KIF21A: variants seen among roughly 807,000 people sequenced by gnomAD.
KIF21A encodes the protein kinesin family member 21A.
A neutral mutation model predicts 202.9 loss-of-function variants in KIF21A; 114 were observed. That is an observed-to-expected ratio of 0.56 (90% CI 0.48 to 0.66). The LOEUF (loss-of-function observed/expected upper bound fraction) is 0.66, where lower values mean the gene tolerates loss of function less well. Among genes scored for constraint, KIF21A ranks in the 30% least tolerant of loss-of-function variants. The pLI is 0.00. For synonymous variants in KIF21A, 667 were observed against 670.8 expected, an observed-to-expected ratio of 0.99 and a Z score of 0.09; for missense variants, 1,677 against 1,994.9, an observed-to-expected ratio of 0.84 and a Z score of 3.04.
rs767206825 is a variant in KIF21A, at chr12:39,367,052, C to G, written c.713G>C (p.Arg238Thr). ...CACAGCATCTATTTGGGGACACACT[C>G]TGGTTTGACACACATGAATGGTAAA... ...AIFTIHVCQT[R>T]VCPQIDADNA... Residue 238 changes from arginine to threonine, a missense_variant, in exon 5 of 38, where the codon AGA (arginine) becomes ACA (threonine). Around this residue, in one of 3 missense-constraint regions of KIF21A, gnomAD observed 966 missense variants for 1,180.9 expected, o/e 0.82. Transcript: ENST00000361418. The G allele has an allele frequency of 1.2e-6, 2 of 1,613,758 alleles. No homozygotes were observed. Among genetic ancestry groups the G allele is most frequent in the Non-Finnish European group, 1.7e-6 (2 of 1,179,684 alleles).
chr12:39,374,451 C>G (rs972442952), intron 1 of KIF21A, among the ~76,000 whole-genome samples: 3 of 152,038 alleles, frequency 2.0e-5, no homozygotes, highest in Admixed American at 6.6e-5. Flanking sequence ...TAAGAAATAA[C>G]AAAGCCAAGT....
chr12:39,343,904 T>G (rs963755277), intron 12 of KIF21A, among the ~76,000 whole-genome samples: 1 of 152,220 alleles, frequency 6.6e-6, no homozygotes. Context: ...TGTTTGAACA[T>G]GCCTATGTGT....
At chr12:39,331,890 G>C in intron 21 of KIF21A, 99 bp from the exon 22 acceptor site, 1 of 917,596 alleles carries the variant, frequency 1.1e-6, no homozygotes, top group Non-Finnish European at 1.8e-6. Context: ...TATTGGGTTA[G>C]CTAATGAGAT....
In KIF21A at chr12:39,294,513, G is replaced by C. The variant is rs777458254; in HGVS notation, c.4936C>G (p.Arg1646Gly). ...STHIFTAADD[R>G]TVRIWKARNL... is the part of the protein sequence containing the mutation. ...CGAGCCTTCCAAATTCTCACAGTTCGATCACTACAAAAAAATAAACAAAAC... is the reference window on the plus strand; with the variant it reads ...CGAGCCTTCCAAATTCTCACAGTTCCATCACTACAAAAAAATAAACAAAAC... Residue 1646 changes from arginine to glycine, a missense_variant, in exon 38 of 38, where the codon CGA becomes GGA. Arg to Gly is a moderately radical substitution (Grantham distance 125, BLOSUM62 -2). Coordinates refer to ENST00000361418, the MANE Select transcript of KIF21A (RefSeq NM_001173464.2). 6.2e-7 allele frequency: 1 copy of C among 1,611,896 alleles called. No homozygotes were observed. Among genetic ancestry groups the C allele is most frequent in the Non-Finnish European group, 8.5e-7 (1 of 1,178,402 alleles).
chr12:39,422,830 A>G (rs1339949786), intron 1 of KIF21A, among the ~76,000 whole-genome samples: 5 of 152,248 alleles, frequency 3.3e-5, no homozygotes, highest in African/African-American at 1.2e-4. Context: ...TCTATCTTTC[A>G]TTTCCTTCCT....
chr12:39,322,762 G>A lies in KIF21A; in HGVS notation c.3577C>T (p.Gln1193Ter), dbSNP rs1945419112. ...PGPLTPVAEGQEIGMNTETSG... is the reference protein window; with the variant it reads ...PGPLTPVAEG ...GTCTCTGTATTCATTCCAATCTCTT[G>A]CCCTTCTGCAACAGGTGTGAGAGGG... is the stretch of plus-strand genomic sequence containing the variant. The change falls in exon 27 of 38, where the codon CAA (glutamine) becomes TAA (stop). Residue 1193 changes from glutamine to a stop codon, truncating the protein, a stop_gained. Transcript: ENST00000361418. LOFTEE classifies it high-confidence loss of function. The A allele has an allele frequency of 1.2e-6, 2 of 1,613,890 alleles. No individual in the cohort carries two copies. Among genetic ancestry groups the A allele is most frequent in the East Asian group, 2.2e-5 (1 of 44,884 alleles).
At chr12:39,367,263 G>A (rs941784960) in intron 4 of KIF21A, 99 bp from the exon 5 acceptor site, 1 of 1,237,076 alleles carries the variant, frequency 8.1e-7, no homozygotes, top group African/African-American at 1.5e-5. Flanking sequence ...CATGTTAAGG[G>A]ATATAAAAGA....
chr12:39,303,443 C>G (rs1356894211), intron 35 of KIF21A, among the ~76,000 whole-genome samples: 1 of 152,140 alleles, frequency 6.6e-6, no homozygotes, highest in East Asian at 1.9e-4. Context: ...GGATTACAGG[C>G]ATGCATGATG....
intron 10 of KIF21A, among the ~76,000 whole-genome samples, chr12:39,353,706 C>G (rs1948568194): frequency 6.6e-6 from 1 of 151,850 alleles, no homozygotes; most frequent in Non-Finnish European, 1.5e-5. Flanking sequence ...TTGTTTTTTA[C>G]ATAATGTTAA....
intron 1 of KIF21A, among the ~76,000 whole-genome samples, chr12:39,377,852 T>G (rs768822316): frequency 3.3e-5 from 5 of 152,178 alleles, no homozygotes; most frequent in Non-Finnish European, 7.4e-5. Context: ...TTTTAATCCA[T>G]TAATGATGAA....
intron 1 of KIF21A, among the ~76,000 whole-genome samples, chr12:39,435,128 C>A (rs1938501545): frequency 6.6e-6 from 1 of 152,124 alleles, no homozygotes; most frequent in Non-Finnish European, 1.5e-5. Flanking sequence ...CTGGGTGGGT[C>A]CATTCCATAA....
chr12:39,337,630 A>G (rs1947095353), intron 16 of KIF21A: 1 of 180,694 alleles, frequency 5.5e-6, no homozygotes, highest in Non-Finnish European at 1.2e-5. Flanking sequence ...CTGGCACTTG[A>G]ATTCTCAACA....
chr12:39,397,450 T>G (rs1452714298), intron 1 of KIF21A, among the ~76,000 whole-genome samples: 1 of 151,746 alleles, frequency 6.6e-6, no homozygotes, highest in East Asian at 1.9e-4. Flanking sequence ...CCCATAGAGC[T>G]GATTCACCTT....
chr12:39,369,605 C>T, intron 3 of KIF21A, 124 bp downstream of exon 3: 1 of 716,906 alleles, frequency 1.4e-6, no homozygotes, highest in Non-Finnish European at 2.3e-6. Flanking sequence ...TGTTAATTTA[C>T]TCAAACAACA....
At position 39,356,063 on chromosome 12, in the gene KIF21A, G is replaced by T. The variant is rs181665206; in HGVS notation, c.1469+769C>A. 2.7e-3 allele frequency among the ~76,000 whole-genome samples: 411 copies of T among 152,274 alleles called. 1 individual carries two copies. Among genetic ancestry groups the T allele is most frequent in the South Asian group, 0.017 (82 of 4,822 alleles). ...TGAACTACTTAGATGCTCCCCCATG[G>T]AGCTGACTGGGGTTTTCCTTCAAGA... On this transcript the variant is annotated intron_variant, in intron 10 of 37. Coordinates refer to ENST00000361418, the MANE Select transcript of KIF21A (RefSeq NM_001173464.2).
intron 31 of KIF21A, 127 bp downstream of exon 31, chr12:39,315,102 C>A: frequency 1.2e-6 from 1 of 866,568 alleles, no homozygotes; most frequent in South Asian, 1.5e-5. Flanking sequence ...TTAAATATGG[C>A]AAATTTGTAC....
At chr12:39,334,753 T>A (rs959306337) in intron 17 of KIF21A, among the ~76,000 whole-genome samples, 2 of 152,038 alleles carry the variant, frequency 1.3e-5, no homozygotes, top group Admixed American at 6.6e-5. Flanking sequence ...AGGCAACAAA[T>A]AAAAGGGAGA....
In KIF21A at chr12:39,410,066, G is replaced by A. The variant is rs530746913; in HGVS notation, c.44+32861C>T. Reference sequence around the variant, plus strand: ...GGCTGGTCTTGAACTCCTGACCTCAGGTGATCTGCCCGCCTTATCCTCCCA... The same window carrying A: ...GGCTGGTCTTGAACTCCTGACCTCAAGTGATCTGCCCGCCTTATCCTCCCA... On this transcript the variant is annotated intron_variant, in intron 1 of 37. Coordinates refer to ENST00000361418, the MANE Select transcript of KIF21A (RefSeq NM_001173464.2). Among the ~76,000 whole-genome samples the A allele has an allele frequency of 6.6e-5, 10 of 152,168 alleles. 1 individual carries two copies. The highest frequency in any genetic ancestry group is 2.2e-4 in the African/African-American group (9 of 41,522).
chr12:39,406,121 A>C (rs7970819), intron 1 of KIF21A, among the ~76,000 whole-genome samples: 14,931 of 152,152 alleles, frequency 0.098, 756 homozygotes, highest in East Asian at 0.14. Context: ...AACAAACAAA[A>C]AAAATTATTC....
Sources: gnomAD v4.1 joint callset for allele counts (sites outside exome capture counted in the v4.1 genomes callset) on GRCh38, gnomAD v4.1.1 for gene constraint, gnomAD v4.1.1 regional missense constraint, MANE v1.5 for transcripts, NCBI Gene and HGNC (gene_info 2026-07-23, HGNC 2026-07-21) for gene names.